Variants in DPP6 observed in about 807,000 individuals in gnomAD.
The protein encoded by DPP6 is dipeptidyl peptidase like 6.
A neutral mutation model predicts 122.6 loss-of-function variants in DPP6; 69 were observed. The observed-to-expected ratio is 0.56, with a 90% CI of 0.46 to 0.69. DPP6 has a LOEUF of 0.69. Among genes scored for constraint, DPP6 ranks in the 30% least tolerant of loss-of-function variants. The probability of loss-of-function intolerance (pLI) is 0.00; values close to 1 mark genes in which losing one functional copy is unlikely to be tolerated. For synonymous variants in DPP6, 418 were observed against 433.1 expected, an observed-to-expected ratio of 0.97 and a Z score of 0.43; for missense variants, 928 against 1,116.9, an observed-to-expected ratio of 0.83 and a Z score of 2.41.
At chr7:154,031,729 A>G (rs1013452515) in intron 1 of DPP6, among the ~76,000 whole-genome samples, 42 of 152,188 alleles carry the variant, frequency 2.8e-4, no homozygotes, top group African/African-American at 9.9e-4. Flanking sequence ...GTTTAACTCA[A>G]CAGCCTTTGG....
In DPP6 at chr7:154,298,855, T is replaced by A. The variant is rs6975533; in HGVS notation, c.244-147359T>A. Among the ~76,000 whole-genome samples the A allele has an allele frequency of 2.9e-3, 438 of 152,262 alleles. 3 individuals are homozygous for A. Among genetic ancestry groups the A allele is most frequent in the African/African-American group, 1.0e-2 (415 of 41,562 alleles). On this transcript the variant is annotated intron_variant, in intron 1 of 25. Transcript: ENST00000377770. ...ACTCTCCCAGCTATAATTTGAAGTG[T>A]GGACAAAATGGGCCCAGATGTTCAG...
Position 154,538,013 on chromosome 7 carries a change from G to C in DPP6, c.458-2519G>C, listed in dbSNP as rs150380667. ...ATAATATAAATTACTGAGGAACACA[G>C]TAAATATCACCTTATTAAGGTCAAA... On this transcript the variant is annotated intron_variant, in intron 3 of 25. Transcript: ENST00000377770. Among the ~76,000 whole-genome samples the C allele has an allele frequency of 4.6e-3, 693 of 151,874 alleles. 4 individuals are homozygous for C. Among genetic ancestry groups the C allele is most frequent in the Non-Finnish European group, 7.7e-3 (523 of 67,968 alleles).
intron 5 of DPP6, among the ~76,000 whole-genome samples, chr7:154,611,217 G>T (rs1204094572): frequency 2.0e-5 from 3 of 152,292 alleles, no homozygotes; most frequent in African/African-American, 7.2e-5. Context: ...ACCATGGTTA[G>T]ATAAGGTGGA....
intron 1 of DPP6, among the ~76,000 whole-genome samples, chr7:154,380,296 G>T (rs1337668563): frequency 5.9e-5 from 9 of 152,318 alleles, no homozygotes; most frequent in African/African-American, 2.2e-4. Flanking sequence ...GAAGTATTTT[G>T]GGGTGGTGTT....
At chr7:154,225,825 T>TC (rs1323018148) in intron 1 of DPP6, among the ~76,000 whole-genome samples, 1 of 152,084 alleles carries the variant, frequency 6.6e-6, no homozygotes, top group Non-Finnish European at 1.5e-5. Context: ...GTCATTAGAA[T>TC]CCCCCATCTA....
At chr7:154,874,853 A>G (rs991866646) in intron 19 of DPP6, among the ~76,000 whole-genome samples, 1 of 152,264 alleles carries the variant, frequency 6.6e-6, no homozygotes, top group Non-Finnish European at 1.5e-5. Context: ...ATGCTGGTCA[A>G]TGAGGAACAA....
At chr7:154,408,577 A>G (rs114107924) in intron 1 of DPP6, among the ~76,000 whole-genome samples, 1 of 152,188 alleles carries the variant, frequency 6.6e-6, no homozygotes, top group Non-Finnish European at 1.5e-5. Context: ...TCTGTGGCAC[A>G]TTAGTCAAAA....
At chr7:153,804,871 G>C in the DPP6 span, among the ~76,000 whole-genome samples, 4 of 151,106 alleles carry the variant, frequency 2.6e-5, no homozygotes, top group South Asian at 8.4e-4. Flanking sequence ...GCAACAGAGA[G>C]AGACTTCATC....
chr7:154,333,263 T>A (rs964319434), intron 1 of DPP6, among the ~76,000 whole-genome samples: 4 of 152,068 alleles, frequency 2.6e-5, no homozygotes, highest in Admixed American at 1.3e-4. Context: ...CTTTTTTTTT[T>A]AAATTGAGTG....
At chr7:154,772,727 T>C (rs1563193408) in intron 9 of DPP6, 118 bp from the exon 10 acceptor site, 1 of 1,374,674 alleles carries the variant, frequency 7.3e-7, no homozygotes, top group East Asian at 2.5e-5. Context: ...CTCCTTAATA[T>C]GGAGCTCCAG....
intron 5 of DPP6, among the ~76,000 whole-genome samples, chr7:154,636,332 G>A (rs1835723213): frequency 6.6e-6 from 1 of 152,138 alleles, no homozygotes; most frequent in African/African-American, 2.4e-5. Context: ...CCTTTAATGG[G>A]TCCTCTCTGA....
chr7:154,507,250 CAAAT>C (rs941946904), intron 3 of DPP6, among the ~76,000 whole-genome samples: 7 of 151,620 alleles, frequency 4.6e-5, no homozygotes, highest in Admixed American at 4.0e-4. Flanking sequence ...AAAGCATAAT[CAAAT>C]AAAGAGTTTT....
intron 7 of DPP6, among the ~76,000 whole-genome samples, chr7:154,722,725 G>A (rs1239868841): frequency 6.6e-6 from 1 of 152,076 alleles, no homozygotes; most frequent in Non-Finnish European, 1.5e-5. Context: ...AATCCAGATA[G>A]TGAAGGCCAC....
chr7:154,525,927 A>T (rs1285331916), intron 3 of DPP6, among the ~76,000 whole-genome samples: 2 of 152,196 alleles, frequency 1.3e-5, no homozygotes, highest in Non-Finnish European at 2.9e-5. Flanking sequence ...TTGATATGCT[A>T]AAGGGCTGTG....
chr7:154,566,800 G>A (rs779028595), intron 4 of DPP6, 42 bp from the exon 5 acceptor site: 20 of 1,134,752 alleles, frequency 1.8e-5, no homozygotes, highest in Non-Finnish European at 1.3e-6. Context: ...CTGACTTGTT[G>A]TATGTAATGC....
At chr7:154,060,027 C>T (rs868866408) in intron 1 of DPP6, among the ~76,000 whole-genome samples, 1 of 148,580 alleles carries the variant, frequency 6.7e-6, no homozygotes, top group African/African-American at 2.5e-5. Flanking sequence ...GGAGGCACCC[C>T]CCGCGAGGCG....
chr7:153,836,938 A>G, the DPP6 span, among the ~76,000 whole-genome samples: 1 of 152,302 alleles, frequency 6.6e-6, no homozygotes, highest in South Asian at 2.1e-4. Flanking sequence ...GTGGCTCATA[A>G]GAGAGTGGCT....
At chr7:154,608,221 C>T (rs1263725036) in intron 5 of DPP6, among the ~76,000 whole-genome samples, 2 of 150,308 alleles carry the variant, frequency 1.3e-5, no homozygotes, top group Non-Finnish European at 3.0e-5. Flanking sequence ...CCTCGTGATC[C>T]GCCCCCTCGG....
intron 1 of DPP6, among the ~76,000 whole-genome samples, chr7:154,304,361 C>T (rs926360293): frequency 4.6e-5 from 7 of 152,226 alleles, no homozygotes; most frequent in African/African-American, 9.6e-5. Context: ...CCTGCATTTC[C>T]GCTCTACCCA....
Sources: gnomAD v4.1 joint callset for allele counts (sites outside exome capture counted in the v4.1 genomes callset) on GRCh38, gnomAD v4.1.1 for gene constraint, MANE v1.5 for transcripts, NCBI Gene and HGNC (gene_info 2026-07-23, HGNC 2026-07-21) for gene names.